Variants in EFTUD2 observed in about 807,000 individuals in gnomAD.
EFTUD2 encodes elongation factor Tu GTP binding domain containing 2, also known as 116 kDa U5 small nuclear ribonucleoprotein component.
In EFTUD2, 9 loss-of-function variants were observed where a neutral mutation model predicts 114.3. The ratio of observed to expected loss-of-function variants is 0.08; its 90% CI spans 0.05 to 0.14. EFTUD2 has a LOEUF of 0.14. Among genes scored for constraint, EFTUD2 ranks in the 10% least tolerant of loss-of-function variants. EFTUD2 has a pLI of 1.00. For missense variants in EFTUD2, 765 were observed against 1,241.2 expected (o/e 0.62, Z 5.76); for synonymous variants, 449 against 462.3 (o/e 0.97, Z 0.37).
At chr17:44,880,397 C>G (rs569521856) in intron 8 of EFTUD2, 157 bp downstream of exon 8, 8 of 550,448 alleles carry the variant, frequency 1.5e-5, no homozygotes, top group Admixed American at 6.4e-5. Context: ...ATTAACAAGT[C>G]AGAAACAAAG....
chr17:44,880,113 T>A (rs2051044272), intron 8 of EFTUD2, among the ~76,000 whole-genome samples: 1 of 152,038 alleles, frequency 6.6e-6, no homozygotes, highest in Admixed American at 6.5e-5. Context: ...AACCTTCCAG[T>A]TTTTAAAAAC....
chr17:44,853,677 G>T, intron 23 of EFTUD2, 42 bp from the exon 24 acceptor site: 1 of 1,609,190 alleles, frequency 6.2e-7, no homozygotes, highest in Middle Eastern at 1.7e-4. Flanking sequence ...GAGGTTCTGG[G>T]CCTGTCATGG....
At position 44,850,041 on chromosome 17, in the gene EFTUD2, TG is replaced by T. The variant is rs1360372889; in HGVS notation, c.*1232del. The stretch of plus-strand genomic sequence containing the variant: ...TCTTTCTCACTGAGCCTCAGTTTCC[TG>T]ATGTGTAACATGACAATAACCACCC... On this transcript the variant is annotated 3_prime_UTR_variant, in exon 28 of 28. Coordinates refer to ENST00000426333, the MANE Select transcript of EFTUD2 (RefSeq NM_004247.4). 6.4e-6 allele frequency: 2 copies of T among 313,364 alleles called. No individual in the cohort carries two copies. Among genetic ancestry groups the T allele is most frequent in the African/African-American group, 4.1e-5 (2 of 48,510 alleles). The allele number at this position is 313,364 out of a possible 1,614,324, so 19.4% of individuals were successfully genotyped here. A position where few individuals can be genotyped will look rare whatever the true frequency, so the allele number is the denominator to read the frequency against.
Position 44,865,881 on chromosome 17 carries a change from G to A in EFTUD2, c.1150-816C>T, listed in dbSNP as rs1351943925. Reference sequence around the variant, plus strand: ...GCCTGGAGTGCAGTGGTGTGATCACGGCTCACTGCAACCTCCACCTCCTGG... The same window carrying A: ...GCCTGGAGTGCAGTGGTGTGATCACAGCTCACTGCAACCTCCACCTCCTGG... On this transcript the variant is annotated intron_variant, in intron 13 of 27. Coordinates refer to ENST00000426333, the MANE Select transcript of EFTUD2 (RefSeq NM_004247.4). Among the ~76,000 whole-genome samples, 4 of 151,306 alleles carry A rather than the reference G, an allele frequency of 2.6e-5. No homozygotes were observed. The East Asian group carries it at 5.9e-4, about 22-fold the overall frequency.
intron 3 of EFTUD2, 61 bp from the exon 4 acceptor site, chr17:44,885,395 A>T: frequency 8.9e-7 from 1 of 1,120,948 alleles, no homozygotes; most frequent in South Asian, 1.3e-5. Flanking sequence ...AATACGGAAC[A>T]CTATTCCATT....
intron 20 of EFTUD2, among the ~76,000 whole-genome samples, chr17:44,856,019 T>C (rs2050545402): frequency 6.8e-6 from 1 of 147,038 alleles, no homozygotes; most frequent in Admixed American, 6.9e-5. Context: ...CCCAGCTACT[T>C]GGGAGGCTAA....
intron 25 of EFTUD2, 143 bp downstream of exon 25, chr17:44,853,153 A>G (rs1374917902): frequency 2.4e-6 from 2 of 837,820 alleles, no homozygotes; most frequent in East Asian, 2.5e-5. Context: ...CTCCGCTCCT[A>G]CTTCTTTCTG....
rs2050787565 is a variant in EFTUD2, at chr17:44,868,297, T to G, written c.1048A>C (p.Asn350His). The change falls in exon 12 of 28, where the codon AAC (asparagine) becomes CAC (histidine). Residue 350 changes from asparagine to histidine, a missense_variant. Asn to His is a moderately conservative substitution (Grantham distance 68). Transcript: ENST00000426333. ...AKRLWGDIYF[N>H]PKTRKFTKKA... ...CCATACTCTACTTACGTCTTAGGGT[T>G]GAAGTAGATGTCACCCCAGAGTCTT... 1 of 1,613,946 alleles carries G rather than the reference T, an allele frequency of 6.2e-7. No homozygotes were observed. Among genetic ancestry groups the G allele is most frequent in the Non-Finnish European group, 8.5e-7 (1 of 1,179,902 alleles).
chr17:44,868,109 C>T (rs552548314), intron 12 of EFTUD2, among the ~76,000 whole-genome samples, 178 bp downstream of exon 12: 1 of 151,358 alleles, frequency 6.6e-6, no homozygotes, highest in African/African-American at 2.4e-5. Context: ...GGAGAAACAG[C>T]TTCTCACCAG....
intron 25 of EFTUD2, 69 bp downstream of exon 25, chr17:44,853,227 A>G (rs2050487672): frequency 6.6e-7 from 1 of 1,518,630 alleles, no homozygotes; most frequent in Non-Finnish European, 9.0e-7. Context: ...TCTTCCCTGT[A>G]GGAGCCGAGG....
chr17:44,871,344 T>A (rs992167864), intron 11 of EFTUD2, among the ~76,000 whole-genome samples: 2 of 137,500 alleles, frequency 1.5e-5, no homozygotes, highest in African/African-American at 5.4e-5. Context: ...TGAACTTCAA[T>A]TTTTTTTTTT....
chr17:44,868,624 T>C (rs2050794084), intron 11 of EFTUD2: 2 of 418,722 alleles, frequency 4.8e-6, no homozygotes, highest in Non-Finnish European at 8.5e-6. Context: ...GACAAGAGCA[T>C]GGGTTACATG....
chr17:44,857,487 G>T, intron 19 of EFTUD2: 1 of 304,490 alleles, frequency 3.3e-6, no homozygotes, highest in Non-Finnish European at 6.5e-6. Flanking sequence ...ACCCCCATGG[G>T]TCTGACAGAG....
At position 44,868,294 on chromosome 17, in the gene EFTUD2, G is replaced by A. The variant is rs2050787522; in HGVS notation, c.1051C>T (p.Pro351Ser). 1 of 1,613,764 alleles carries A rather than the reference G, an allele frequency of 6.2e-7. No homozygotes were observed. Among genetic ancestry groups the A allele is most frequent in the African/African-American group, 1.3e-5 (1 of 74,908 alleles). The stretch of plus-strand genomic sequence containing the variant: ...GTCCCATACTCTACTTACGTCTTAG[G>A]GTTGAAGTAGATGTCACCCCAGAGT... ...KRLWGDIYFN[P>S]KTRKFTKKAP... The change falls in exon 12 of 28, where the codon CCT becomes TCT. Residue 351 changes from proline (P) to serine (S), a missense_variant. Transcript: ENST00000426333.
At chr17:44,853,834 G>A (rs2050499372) in intron 23 of EFTUD2, 199 bp from the exon 24 acceptor site, 1 of 1,420,330 alleles carries the variant, frequency 7.0e-7, no homozygotes, top group Non-Finnish European at 9.2e-7. Context: ...TATGTTCTTA[G>A]TGTTTGCTTC....
chr17:44,886,739 A>G lies in EFTUD2; in HGVS notation c.117T>C (p.Asp39=), dbSNP rs1277239866. 3 of 1,613,382 alleles carry G rather than the reference A, an allele frequency of 1.9e-6. No homozygotes were observed. Among genetic ancestry groups the G allele is most frequent in the African/African-American group, 2.7e-5 (2 of 74,910 alleles). The part of the protein sequence containing the change: ...ETKDLDEMDD[D]DDDDDVGDHD... ...GATCTCCTACGTCATCGTCGTCGTC[A>G]TCATCATCCATCTGAAAGCAAGAGG... The change falls in exon 3 of 28, where the codon GAT becomes GAC. Residue 39 remains aspartate (D), a synonymous_variant. Transcript: ENST00000426333.
chr17:44,860,066 G>A, intron 17 of EFTUD2, 21 bp from the exon 18 acceptor site: 2 of 1,614,208 alleles, frequency 1.2e-6, no homozygotes, highest in South Asian at 2.2e-5. Context: ...AAGCACAAAG[G>A]ACTGAGGGCA....
intron 27 of EFTUD2, 73 bp from the exon 28 acceptor site, chr17:44,851,442 G>C: frequency 1.6e-6 from 2 of 1,268,962 alleles, no homozygotes; most frequent in Non-Finnish European, 1.1e-6. Context: ...TCCAAGACCT[G>C]TGTTCAGTGG....
At position 44,856,744 on chromosome 17, in the gene EFTUD2, A is replaced by C. The variant is rs868180977; in HGVS notation, c.2045+331T>G. ...CTTAAGCCCAGAAAGTTGAGGCTGC[A>C]CTCCAGCCTGTGTCAAAAAAAAAAA... On this transcript the variant is annotated intron_variant, in intron 20 of 27. Transcript: ENST00000426333. Among the ~76,000 whole-genome samples the C allele has an allele frequency of 2.0e-4, 29 of 145,164 alleles. 1 individual carries two copies. Among genetic ancestry groups the C allele is most frequent in the Admixed American group, 2.8e-4 (4 of 14,280 alleles).
Sources: gnomAD v4.1 joint callset for allele counts (sites outside exome capture counted in the v4.1 genomes callset) on GRCh38, gnomAD v4.1.1 for gene constraint, MANE v1.5 for transcripts, NCBI Gene and HGNC (gene_info 2026-07-23, HGNC 2026-07-21) for gene names.